The following ARHGAP9 variants were observed in gnomAD, a reference collection of about 807,000 sequenced individuals.
ARHGAP9 encodes the protein Rho GTPase activating protein 9, also known as rho GTPase-activating protein 9.
Under a neutral mutation model 87.3 loss-of-function variants are expected in ARHGAP9, and 76 were observed. The observed-to-expected ratio is 0.87, with a 90% CI of 0.72 to 1.05. The LOEUF (loss-of-function observed/expected upper bound fraction) is 1.05. Ranked by LOEUF, ARHGAP9 falls within the 50% of genes least tolerant of loss-of-function variation. The pLI, the probability that ARHGAP9 is intolerant of heterozygous loss-of-function variation, is 0.00. For missense variants in ARHGAP9, 941 were observed against 960.5 expected (o/e 0.98, Z 0.27); for synonymous variants, 382 against 394.9 (o/e 0.97, Z 0.39).
intron 1 of ARHGAP9, chr12:57,488,437 C>T: frequency 2.3e-6 from 2 of 883,538 alleles, no homozygotes; most frequent in Non-Finnish European, 3.5e-6. Context: ...TCCGTCTTCC[C>T]GGTCCCCGCC....
chr12:57,483,484 C>T (rs191642868), upstream of ARHGAP9, among the ~76,000 whole-genome samples: 10 of 152,316 alleles, frequency 6.6e-5, no homozygotes, highest in African/African-American at 2.4e-4. Context: ...CACATATGCC[C>T]TGCTACTCTC....
In ARHGAP9 at chr12:57,477,629, C is replaced by G; in HGVS notation, c.586G>C (p.Asp196His). ...SEPPVYCNLV[D>H]LRRCPRSPPP... ...GGGGACCGAGGACAGCGGCGAAGGT[C>G]CACCAGGTTACAGTACACAGGGGGC... The change falls in exon 4 of 18, where the codon GAC becomes CAC. Residue 196 changes from aspartate (D) to histidine (H), a missense_variant. Asp to His is a moderately conservative substitution (Grantham distance 81). Transcript: ENST00000393791. 6.2e-7 allele frequency: 1 copy of G among 1,613,244 alleles called. No individual in the cohort carries two copies. The highest frequency in any genetic ancestry group is 8.5e-7 in the Non-Finnish European group (1 of 1,179,692).
rs1002960311 is a variant in ARHGAP9, at chr12:57,488,285, C to G, written c.-204+327G>C. The G allele has an allele frequency of 1.2e-5, 15 of 1,290,600 alleles. No homozygotes were observed. In the African/African-American group the frequency reaches 2.0e-4, roughly 17 times the overall value. 79.9% of individuals were successfully genotyped at this position (1,290,600 alleles called of 1,614,324 possible). Reference sequence around the variant, plus strand: ...CTCTGCAGCTGTCTTTGCCAAACCCCTAGCCCTCGCCACACACCCCAATCG... The same window carrying G: ...CTCTGCAGCTGTCTTTGCCAAACCCGTAGCCCTCGCCACACACCCCAATCG... On this transcript the variant is annotated intron_variant, in intron 1 of 20. Transcript: ENST00000393797.
chr12:57,484,197 A>C (rs1451426062), upstream of ARHGAP9, among the ~76,000 whole-genome samples: 2 of 151,420 alleles, frequency 1.3e-5, no homozygotes, highest in Admixed American at 6.6e-5. Flanking sequence ...CTAAAAATAC[A>C]AAAAATTAGC....
Position 57,472,643 on chromosome 12 carries a change from C to A in ARHGAP9, c.2070G>T (p.Leu690=). 3 of 1,614,182 alleles carry A rather than the reference C, an allele frequency of 1.9e-6. No individual in the cohort carries two copies. The highest frequency in any genetic ancestry group is 2.5e-6 in the Non-Finnish European group (3 of 1,180,024). Residue 690 remains leucine (L), a synonymous_variant, in exon 18 of 18, where the codon CTG becomes CTT. Coordinates refer to ENST00000393791, the MANE Select transcript of ARHGAP9 (RefSeq NM_032496.4). ...SDKNRMTPHN[L]GIVFGPTLFR... ...ACAGGGTTGGTCCAAACACAATTCC[C>A]AGGTTGTGGGGTGTCATGCGATTCT... is the stretch of plus-strand genomic sequence containing the variant.
At position 57,479,156 on chromosome 12, in the gene ARHGAP9, A is replaced by G. The variant is rs376523507; in HGVS notation, c.251T>C (p.Ile84Thr). The change falls in exon 2 of 18, where the codon ATA (isoleucine) becomes ACA (threonine). Residue 84 changes from isoleucine to threonine, a missense_variant. Transcript: ENST00000393791. ...RPIFVPAAYM[I>T]EESIPSQSPT... ...ACTCTGGGAAGGGATGGATTCCTCT[A>G]TCATATAGGCTGCTGGGACGAAGAT... 29 of 1,614,176 alleles carry G rather than the reference A, an allele frequency of 1.8e-5. No individual in the cohort carries two copies. Among genetic ancestry groups the G allele is most frequent in the Non-Finnish European group, 2.3e-5 (27 of 1,180,026 alleles).
At chr12:57,479,060 G>C (rs779142076) in intron 2 of ARHGAP9, 31 bp downstream of exon 2, 10 of 1,605,100 alleles carry the variant, frequency 6.2e-6, no homozygotes, top group Non-Finnish European at 8.5e-6. Context: ...GAGGTAGGAA[G>C]GTGAAGGGAG....
chr12:57,473,967 A>G, intron 16 of ARHGAP9, 75 bp downstream of exon 16: 1 of 1,509,948 alleles, frequency 6.6e-7, no homozygotes, highest in South Asian at 1.3e-5. Flanking sequence ...AGAAGAGTAT[A>G]AGGGAACCTC....
At chr12:57,472,897 C>G (rs938454158) in intron 17 of ARHGAP9, among the ~76,000 whole-genome samples, 2 of 152,134 alleles carry the variant, frequency 1.3e-5, no homozygotes, top group Admixed American at 1.3e-4. Flanking sequence ...CTGCCTCTTC[C>G]GACTTCAGGG....
chr12:57,474,612 A>T lies in ARHGAP9; in HGVS notation c.1729+14T>A. 1.2e-6 allele frequency: 2 copies of T among 1,614,186 alleles called. No individual in the cohort carries two copies. The highest frequency in any genetic ancestry group is 1.3e-5 in the African/African-American group (1 of 75,040). ...ACATTCTTAGTACAACCACTGGCCCACAAGCCTTCTCACCTCTGTCCACCA... is the reference window on the plus strand; with the variant it reads ...ACATTCTTAGTACAACCACTGGCCCTCAAGCCTTCTCACCTCTGTCCACCA... On this transcript the variant is annotated intron_variant, in intron 14 of 17. Coordinates refer to ENST00000393791, the MANE Select transcript of ARHGAP9 (RefSeq NM_032496.4).
chr12:57,475,090 G>T (rs1873085288), intron 12 of ARHGAP9, 117 bp from the exon 13 acceptor site: 2 of 1,220,552 alleles, frequency 1.6e-6, no homozygotes, highest in Non-Finnish European at 2.3e-6. Flanking sequence ...TGCCAGGCCT[G>T]GGCAAGGAAA....
chr12:57,473,478 C>T, intron 17 of ARHGAP9, 125 bp downstream of exon 17: 1 of 769,128 alleles, frequency 1.3e-6, no homozygotes, highest in Non-Finnish European at 2.2e-6. Context: ...CAGAGGTTGC[C>T]TGCTTCCTCA....
At chr12:57,474,789 T>G in intron 13 of ARHGAP9, 86 bp from the exon 14 acceptor site, 1 of 1,603,360 alleles carries the variant, frequency 6.2e-7, no homozygotes, top group Non-Finnish European at 8.5e-7. Flanking sequence ...AAAAGGGCAG[T>G]AGGAAGACTA....
upstream of ARHGAP9, chr12:57,480,003 A>G (rs531147048): frequency 4.4e-6 from 6 of 1,369,738 alleles, no homozygotes; most frequent in Admixed American, 1.8e-4. Context: ...AGAAAGCCAA[A>G]TAAATACCAA....
rs1364163495 is a variant in ARHGAP9 at position 57,479,226 on chromosome 12, A to G, written c.181T>C (p.Trp61Arg). The G allele has an allele frequency of 6.2e-7, 1 of 1,614,194 alleles. No individual in the cohort carries two copies. The highest frequency in any genetic ancestry group is 8.5e-7 in the Non-Finnish European group (1 of 1,180,028). ...FLLLRKTNSD[W>R]WLARRLEAPS... ...GCTTCTAGGCGTCTTGCCAACCACC[A>G]GTCGGAGTTGGTCTTTCGAAGCAGT... is the stretch of plus-strand genomic sequence containing the variant. The change falls in exon 2 of 18, where the codon TGG becomes CGG. Residue 61 changes from tryptophan (W) to arginine (R), a missense_variant. Transcript: ENST00000393791.
intron 3 of ARHGAP9, chr12:57,477,973 G>A (rs988384607): frequency 2.7e-5 from 33 of 1,228,196 alleles, no homozygotes; most frequent in Admixed American, 3.6e-5. Flanking sequence ...TTTGTGGGGT[G>A]GGGGGAATGT....
upstream of ARHGAP9, among the ~76,000 whole-genome samples, chr12:57,482,263 C>T (rs1007460295): frequency 2.0e-5 from 3 of 150,416 alleles, no homozygotes; most frequent in East Asian, 3.9e-4. Flanking sequence ...TTTTTTGAGT[C>T]GGAGTCTTGC....
chr12:57,479,664 G>T (rs879393123), intron 1 of ARHGAP9, 66 bp downstream of exon 1: 13 of 1,550,352 alleles, frequency 8.4e-6, no homozygotes, highest in East Asian at 4.9e-5. Flanking sequence ...GGTCAGCAGG[G>T]CTGCATGGCC....
At position 57,486,523 on chromosome 12, in the gene ARHGAP9, G is replaced by C. The variant is rs908153815; in HGVS notation, c.-204+2089C>G. On this transcript the variant is annotated intron_variant, in intron 1 of 20. Coordinates refer to the ARHGAP9 transcript ENST00000393797. ...GACCTCAAGTCATCTGCTCGCCTCG[G>C]CCTCCCAACGTGCTGGGGTTACAGG... Among the ~76,000 whole-genome samples, 8 of 148,620 alleles carry C rather than the reference G, an allele frequency of 5.4e-5. No homozygotes were observed. The South Asian group carries it at 1.7e-3, about 32-fold the overall frequency.
Sources: allele counts gnomAD v4.1 joint callset (sites outside exome capture counted in the v4.1 genomes callset), GRCh38; gene constraint gnomAD v4.1.1; transcripts MANE v1.5; gene names NCBI Gene and HGNC (gene_info 2026-07-23, HGNC 2026-07-21).